The following KCNH8 variants were observed in gnomAD, a reference collection of about 807,000 sequenced individuals.
KCNH8 encodes the protein voltage-gated delayed rectifier potassium channel KCNH8.
KCNH8 carries 70 observed loss-of-function variants against 103.6 expected under a neutral mutation model. The ratio of observed to expected loss-of-function variants is 0.68; its 90% CI spans 0.56 to 0.82. KCNH8 has a LOEUF of 0.82. Among genes scored for constraint, KCNH8 ranks in the 40% least tolerant of loss-of-function variants. The probability of loss-of-function intolerance (pLI) is 0.00; values close to 1 mark genes in which losing one functional copy is unlikely to be tolerated. For missense variants in KCNH8, 1,217 were observed against 1,329.9 expected (o/e 0.92, Z 1.32); for synonymous variants, 498 against 489.4 (o/e 1.02, Z -0.23).
At chr3:19,434,882 C>T (rs531511039) in intron 7 of KCNH8, among the ~76,000 whole-genome samples, 1 of 151,930 alleles carries the variant, frequency 6.6e-6, no homozygotes, top group Non-Finnish European at 1.5e-5. Context: ...GAAGTGCAAA[C>T]CTATTTAATA....
chr3:19,168,042 C>T (rs1476573349), intron 1 of KCNH8, among the ~76,000 whole-genome samples: 1 of 149,454 alleles, frequency 6.7e-6, no homozygotes, highest in South Asian at 2.1e-4. Context: ...TGGAGTTTCA[C>T]TATTGTCACC....
intron 12 of KCNH8, among the ~76,000 whole-genome samples, chr3:19,512,075 G>A (rs1046294780): frequency 1.3e-5 from 2 of 152,076 alleles, no homozygotes; most frequent in Admixed American, 6.6e-5. Flanking sequence ...CAGATATAAG[G>A]GATTCAATTT....
At chr3:19,366,171 T>G (rs1395554486) in intron 5 of KCNH8, among the ~76,000 whole-genome samples, 2 of 152,102 alleles carry the variant, frequency 1.3e-5, no homozygotes, top group Non-Finnish European at 2.9e-5. Context: ...GCTTTCTGAA[T>G]TTTTTATACT....
chr3:19,382,510 G>GT (rs1378090237), intron 5 of KCNH8, among the ~76,000 whole-genome samples: 2 of 152,114 alleles, frequency 1.3e-5, no homozygotes, highest in Non-Finnish European at 2.9e-5. Flanking sequence ...GTATTACTTT[G>GT]ATGATCATTA....
At chr3:19,331,234 T>C (rs1274064629) in intron 3 of KCNH8, among the ~76,000 whole-genome samples, 1 of 148,302 alleles carries the variant, frequency 6.7e-6, no homozygotes, top group Non-Finnish European at 1.5e-5. Flanking sequence ...GAGATGGACT[T>C]CTTTCTTTAA....
intron 5 of KCNH8, among the ~76,000 whole-genome samples, chr3:19,374,915 AG>A (rs1337520462): frequency 2.6e-5 from 4 of 151,936 alleles, no homozygotes; most frequent in Non-Finnish European, 5.9e-5. Flanking sequence ...CTTTTCCTTA[AG>A]AATGTTGAAT....
Position 19,472,117 on chromosome 3 carries a change from T to G in KCNH8, c.2040+15135T>G, listed in dbSNP as rs963025476. ...CAGTTACTGTATTTTAATTCATTTT[T>G]GCAATTCTTTTTTTAATGGGATTGC... On this transcript the variant is annotated intron_variant, in intron 11 of 15. Coordinates refer to ENST00000328405, the MANE Select transcript of KCNH8 (RefSeq NM_144633.3). Among the ~76,000 whole-genome samples, 3 of 152,150 alleles carry G rather than the reference T, an allele frequency of 2.0e-5. 1 individual carries two copies. The highest frequency in any genetic ancestry group is 7.2e-5 in the African/African-American group (3 of 41,432).
chr3:19,230,769 T>A (rs1346932878), intron 1 of KCNH8, among the ~76,000 whole-genome samples: 1 of 152,236 alleles, frequency 6.6e-6, no homozygotes, highest in African/African-American at 2.4e-5. Context: ...GTGTGATTTA[T>A]GAGTGTGTAC....
At chr3:19,162,123 G>A (rs1163318767) in intron 1 of KCNH8, among the ~76,000 whole-genome samples, 1 of 152,002 alleles carries the variant, frequency 6.6e-6, no homozygotes, top group Non-Finnish European at 1.5e-5. Context: ...ACCAAGGTTT[G>A]TAATTAAACA....
chr3:19,225,530 G>A (rs1272482164), intron 1 of KCNH8, among the ~76,000 whole-genome samples: 4 of 151,978 alleles, frequency 2.6e-5, no homozygotes, highest in African/African-American at 7.2e-5. Flanking sequence ...CTTCTCCTAC[G>A]GGCTTCTAAG....
At chr3:19,207,638 G>T (rs1575437215) in intron 1 of KCNH8, among the ~76,000 whole-genome samples, 1 of 151,886 alleles carries the variant, frequency 6.6e-6, no homozygotes, top group Admixed American at 6.6e-5. Context: ...CTCACGAATA[G>T]ACATTCCAGG....
intron 3 of KCNH8, among the ~76,000 whole-genome samples, chr3:19,310,743 C>T (rs2065197309): frequency 6.6e-6 from 1 of 151,528 alleles, no homozygotes; most frequent in Non-Finnish European, 1.5e-5. Context: ...ATCGTAAAAT[C>T]GTATAATGGT....
At chr3:19,322,452 G>A (rs1211238818) in intron 3 of KCNH8, among the ~76,000 whole-genome samples, 2 of 152,094 alleles carry the variant, frequency 1.3e-5, no homozygotes, top group Middle Eastern at 3.2e-3. Flanking sequence ...CATTTATGAA[G>A]CTTAGTTTCA....
intron 11 of KCNH8, among the ~76,000 whole-genome samples, chr3:19,474,275 G>A (rs1163595962): frequency 1.3e-5 from 2 of 152,164 alleles, no homozygotes; most frequent in Admixed American, 1.3e-4. Flanking sequence ...CCAAAAGGGT[G>A]TAGACAGCAG....
chr3:19,478,189 T>A (rs2068015903), intron 11 of KCNH8, among the ~76,000 whole-genome samples: 2 of 152,142 alleles, frequency 1.3e-5, no homozygotes, highest in Admixed American at 1.3e-4. Context: ...GATGGGCCTA[T>A]GAATTCTAGA....
At chr3:19,277,842 A>C (rs1388667106) in intron 2 of KCNH8, among the ~76,000 whole-genome samples, 1 of 152,164 alleles carries the variant, frequency 6.6e-6, no homozygotes, top group East Asian at 1.9e-4. Context: ...TCAGAGCCTC[A>C]TCTGTGTTGA....
chr3:19,193,193 A>G (rs1460558809), intron 1 of KCNH8, among the ~76,000 whole-genome samples: 3 of 151,684 alleles, frequency 2.0e-5, no homozygotes, highest in Non-Finnish European at 4.4e-5. Context: ...ATTAAAGTAA[A>G]CATTTTCTAA....
At chr3:19,451,126 T>G (rs1490840209) in intron 9 of KCNH8, 29 bp from the exon 10 acceptor site, 1 of 1,611,528 alleles carries the variant, frequency 6.2e-7, no homozygotes, top group South Asian at 1.1e-5. Context: ...TTACCCCAAT[T>G]TGATTTCCTC....
chr3:19,400,582 C>T (rs547690209), intron 7 of KCNH8, among the ~76,000 whole-genome samples: 1 of 151,860 alleles, frequency 6.6e-6, no homozygotes. Context: ...CTGGAGCAAG[C>T]GTATCCATTG....
Sources: allele counts gnomAD v4.1 joint callset (sites outside exome capture counted in the v4.1 genomes callset), GRCh38; gene constraint gnomAD v4.1.1; transcripts MANE v1.5; gene names NCBI Gene and HGNC (gene_info 2026-07-23, HGNC 2026-07-21).